Variants in STAC observed in about 807,000 individuals in gnomAD.
STAC encodes SH3 and cysteine-rich domain-containing protein.
In STAC, 43 loss-of-function variants were observed where a neutral mutation model predicts 48.8. The ratio of observed to expected loss-of-function variants is 0.88; its 90% CI spans 0.69 to 1.14. The LOEUF is 1.14. Ranked by LOEUF, STAC falls within the 50% of genes most tolerant of loss-of-function variation. The pLI is 0.00. For missense variants in STAC, 497 were observed against 504.0 expected, an observed-to-expected ratio of 0.99 and a Z score of 0.13; for synonymous variants, 193 against 179.5, an observed-to-expected ratio of 1.07 and a Z score of -0.60.
chr3:36,431,887 C>G (rs1350250352), intron 1 of STAC, among the ~76,000 whole-genome samples: 1 of 152,266 alleles, frequency 6.6e-6, no homozygotes, highest in Non-Finnish European at 1.5e-5. Context: ...TTCACTTCCT[C>G]TCAGTATTCA....
chr3:36,433,402 T>C (rs1184169235), intron 1 of STAC, among the ~76,000 whole-genome samples: 5 of 152,214 alleles, frequency 3.3e-5, no homozygotes, highest in Admixed American at 2.0e-4. Flanking sequence ...AACCTAGAAC[T>C]GAGGGATGCC....
intron 10 of STAC, among the ~76,000 whole-genome samples, chr3:36,545,379 C>T (rs1699421533): frequency 6.6e-6 from 1 of 152,204 alleles, no homozygotes; most frequent in Non-Finnish European, 1.5e-5. Flanking sequence ...ATCCTGCATC[C>T]CTCACTTCCC....
chr3:36,445,065 T>G (rs536919567), intron 2 of STAC, among the ~76,000 whole-genome samples: 3 of 152,192 alleles, frequency 2.0e-5, no homozygotes, highest in African/African-American at 7.2e-5. Context: ...AACCCTTAAA[T>G]AGGTGATGAT....
At chr3:36,495,186 C>T (rs997014154) in intron 6 of STAC, among the ~76,000 whole-genome samples, 14 of 152,176 alleles carry the variant, frequency 9.2e-5, no homozygotes, top group Admixed American at 6.5e-4. Context: ...AAGATAATAA[C>T]ACCAAATCCA....
At chr3:36,414,548 G>T (rs1700272670) in intron 1 of STAC, among the ~76,000 whole-genome samples, 1 of 152,068 alleles carries the variant, frequency 6.6e-6, no homozygotes, top group Non-Finnish European at 1.5e-5. Flanking sequence ...GGACTCCTCT[G>T]CATTGGTTAT....
chr3:36,537,934 T>C (rs904106771), intron 10 of STAC, among the ~76,000 whole-genome samples: 1 of 151,932 alleles, frequency 6.6e-6, no homozygotes, highest in Non-Finnish European at 1.5e-5. Flanking sequence ...TTATTATTTG[T>C]GTTCTATCAA....
intron 1 of STAC, among the ~76,000 whole-genome samples, chr3:36,413,477 T>G (rs1274147938): frequency 6.6e-6 from 1 of 152,210 alleles, no homozygotes; most frequent in Non-Finnish European, 1.5e-5. Flanking sequence ...GTCTGTTTTA[T>G]CAGAGACTAG....
At chr3:36,492,027 AAAAAATATATATATATATATATATATAT>A (rs1263174274) in intron 5 of STAC, among the ~76,000 whole-genome samples, 11 of 18,334 alleles carry the variant, frequency 6.0e-4, no homozygotes, top group Non-Finnish European at 1.3e-3. Context: ...AAAAAAAAAA[AAAAAATATATATATATATATATATATAT>A]ATATATATAT....
intron 2 of STAC, among the ~76,000 whole-genome samples, chr3:36,458,382 C>A (rs1258404481): frequency 6.6e-6 from 1 of 152,058 alleles, no homozygotes; most frequent in Non-Finnish European, 1.5e-5. Flanking sequence ...GATCTAACTC[C>A]AAATATCAAG....
At chr3:36,481,932 TTCTCATCATGGTAAAGGAGGAGG>T (rs1697658212) in intron 2 of STAC, among the ~76,000 whole-genome samples, 1 of 152,214 alleles carries the variant, frequency 6.6e-6, no homozygotes, top group Non-Finnish European at 1.5e-5. Context: ...CACCCCATCC[TTCTCATCATGGTAAAGGAGGAGG>T]GATAAGACTG....
chr3:36,399,274 C>T (rs1699952166), intron 1 of STAC, among the ~76,000 whole-genome samples: 1 of 152,192 alleles, frequency 6.6e-6, no homozygotes, highest in Non-Finnish European at 1.5e-5. Context: ...ACCCACAGCA[C>T]CCTCTACAGT....
intron 2 of STAC, among the ~76,000 whole-genome samples, chr3:36,478,215 A>G (rs1481439336): frequency 2.0e-5 from 3 of 152,204 alleles, no homozygotes; most frequent in Non-Finnish European, 2.9e-5. Flanking sequence ...AAAGAGTCAT[A>G]TCACAATCTT....
In STAC at chr3:36,398,320, C is replaced by CAAGCAAGCAAGAAAGA. The variant is rs1699898474; in HGVS notation, c.111+17569_111+17570insCAAGCAAGAAAGAAAG. 4.9e-5 allele frequency among the ~76,000 whole-genome samples: 4 copies of CAAGCAAGCAAGAAAGA among 82,170 alleles called. 1 individual carries two copies. The highest frequency in any genetic ancestry group is 2.9e-4 in the East Asian group (1 of 3,462). 53.9% of individuals were successfully genotyped at this position (82,170 alleles called of 152,430 possible). ...AAAAGAAAGAAAGAAAGAAAGAAAG[C>CAAGCAAGCAAGAAAGA]AAGAAAGAAAGAAAGAAAGAAAGAA... is the stretch of plus-strand genomic sequence containing the variant. On this transcript the variant is annotated intron_variant, in intron 1 of 10. Coordinates refer to ENST00000273183, the MANE Select transcript of STAC (RefSeq NM_003149.3).
chr3:36,539,231 G>A (rs1219751555), intron 10 of STAC, among the ~76,000 whole-genome samples: 1 of 151,902 alleles, frequency 6.6e-6, no homozygotes, highest in Admixed American at 6.6e-5. Flanking sequence ...AAGTTCAGGG[G>A]TACAGTGCAG....
At chr3:36,397,993 G>A (rs7617418) in intron 1 of STAC, among the ~76,000 whole-genome samples, 1 of 151,954 alleles carries the variant, frequency 6.6e-6, no homozygotes, top group African/African-American at 2.4e-5. Flanking sequence ...TGTCTGAGGA[G>A]CCAAGAGCAA....
At chr3:36,470,159 A>G (rs1030794796) in intron 2 of STAC, among the ~76,000 whole-genome samples, 9 of 152,186 alleles carry the variant, frequency 5.9e-5, no homozygotes, top group African/African-American at 1.7e-4. Flanking sequence ...TCATATTACC[A>G]GAATTGTTTT....
chr3:36,399,235 G>A (rs1334455651), intron 1 of STAC, among the ~76,000 whole-genome samples: 4 of 152,192 alleles, frequency 2.6e-5, no homozygotes, highest in Admixed American at 6.5e-5. Flanking sequence ...ACAGGGCAAG[G>A]GCCCCAACAG....
chr3:36,499,578 T>C (rs531719182), intron 6 of STAC, among the ~76,000 whole-genome samples: 1 of 151,652 alleles, frequency 6.6e-6, no homozygotes, highest in East Asian at 1.9e-4. Flanking sequence ...GCATAGAAAA[T>C]TTGGGACAAA....
chr3:36,433,975 G>C (rs956666656), intron 1 of STAC, among the ~76,000 whole-genome samples: 17 of 152,336 alleles, frequency 1.1e-4, no homozygotes, highest in African/African-American at 3.6e-4. Flanking sequence ...GGAATGTATT[G>C]TACTTAATGT....
Sources: allele counts gnomAD v4.1 joint callset (sites outside exome capture counted in the v4.1 genomes callset), GRCh38; gene constraint gnomAD v4.1.1; transcripts MANE v1.5; gene names NCBI Gene and HGNC (gene_info 2026-07-23, HGNC 2026-07-21).